PDE8A: variants seen among roughly 807,000 people sequenced by gnomAD.
PDE8A encodes the protein phosphodiesterase 8A.
Under a neutral mutation model 105.0 loss-of-function variants are expected in PDE8A, and 59 were observed. The observed-to-expected ratio is 0.56, with a 90% CI of 0.46 to 0.70. The LOEUF (loss-of-function observed/expected upper bound fraction) is 0.70. Among genes scored for constraint, PDE8A ranks in the 30% least tolerant of loss-of-function variants. PDE8A has a pLI of 0.00. For missense variants in PDE8A, 1,014 were observed against 1,045.9 expected (o/e 0.97, Z 0.42); for synonymous variants, 355 against 371.9 (o/e 0.95, Z 0.52).
chr15:85,088,808 C>T lies in PDE8A; in HGVS notation c.636-530C>T, dbSNP rs143705332. Among the ~76,000 whole-genome samples, 452 of 152,060 alleles carry T rather than the reference C, an allele frequency of 3.0e-3. 4 individuals are homozygous for T. The highest frequency in any genetic ancestry group is 0.01 in the African/African-American group (426 of 41,464). ...ATAATTTTAAAAATGTTTTCAAACA[C>T]GAAGGATGTGAGAAAATGCTCACAG... On this transcript the variant is annotated intron_variant, in intron 6 of 21. Transcript: ENST00000394553.
In PDE8A at chr15:85,115,473, T is replaced by C. The variant is rs1486826932; in HGVS notation, c.1385T>C (p.Val462Ala). Residue 462 changes from valine (V) to alanine (A), a missense_variant, in exon 15 of 22, where the codon GTT (valine) becomes GCT (alanine). By Grantham distance (64) the Val-to-Ala change is moderately conservative. Coordinates refer to ENST00000394553, the MANE Select transcript of PDE8A (RefSeq NM_002605.3). Reference sequence around the variant, plus strand: ...CGAAGACTATCAGGGAATGAATATGTTCTTTCAACAAAAAGTAAGTTTTTC... The same window carrying C: ...CGAAGACTATCAGGGAATGAATATGCTCTTTCAACAAAAAGTAAGTTTTTC... The part of the protein sequence containing the change: ...GLRRLSGNEY[V>A]LSTKNTQMVS... 2 of 1,524,288 alleles carry C rather than the reference T, an allele frequency of 1.3e-6. No individual in the cohort carries two copies. Among genetic ancestry groups the C allele is most frequent in the Non-Finnish European group, 8.8e-7 (1 of 1,131,718 alleles). The allele number at this position is 1,524,288 out of a possible 1,614,324, so 94.4% of individuals were successfully genotyped here.
intron 1 of PDE8A, among the ~76,000 whole-genome samples, chr15:85,039,600 C>G (rs553148673): frequency 6.6e-6 from 1 of 152,066 alleles, no homozygotes; most frequent in African/African-American, 2.4e-5. Context: ...AATCCCACTT[C>G]TGAGTGTATA....
chr15:85,092,048 T>C (rs890679537), intron 8 of PDE8A, among the ~76,000 whole-genome samples: 1 of 152,138 alleles, frequency 6.6e-6, no homozygotes, highest in Non-Finnish European at 1.5e-5. Flanking sequence ...GGCATTTGGC[T>C]AGTTCCTATC....
intron 1 of PDE8A, among the ~76,000 whole-genome samples, chr15:85,059,585 C>G (rs1328257865): frequency 1.3e-5 from 2 of 152,162 alleles, no homozygotes; most frequent in Non-Finnish European, 2.9e-5. Context: ...CCTCCTTTGT[C>G]TCTTATAGCC....
At chr15:85,031,326 A>G (rs1468808804) in intron 1 of PDE8A, among the ~76,000 whole-genome samples, 2 of 152,166 alleles carry the variant, frequency 1.3e-5, no homozygotes, top group Admixed American at 6.6e-5. Flanking sequence ...TGTAGTTTCT[A>G]TAACACCATC....
At chr15:85,095,876 T>TATATA (rs1435160480) in intron 8 of PDE8A, among the ~76,000 whole-genome samples, 1 of 64,198 alleles carries the variant, frequency 1.6e-5, no homozygotes, top group African/African-American at 1.4e-4. Flanking sequence ...ATATATATAT[T>TATATA]TTTTTTATAT....
At chr15:85,112,127 C>CT (rs150694128) in intron 12 of PDE8A, among the ~76,000 whole-genome samples, 1 of 152,114 alleles carries the variant, frequency 6.6e-6, no homozygotes, top group East Asian at 1.9e-4. Context: ...AATCTTTATA[C>CT]TTTTTTTCTT....
intron 12 of PDE8A, among the ~76,000 whole-genome samples, chr15:85,110,674 T>C (rs1697201152): frequency 6.6e-6 from 1 of 152,240 alleles, no homozygotes; most frequent in South Asian, 2.1e-4. Context: ...TACCACAATT[T>C]GTGTGCACAT....
intron 1 of PDE8A, among the ~76,000 whole-genome samples, chr15:84,997,093 C>A (rs536179537): frequency 6.6e-6 from 1 of 152,240 alleles, no homozygotes; most frequent in Non-Finnish European, 1.5e-5. Flanking sequence ...AACTTTCTGA[C>A]ACATTTGAAG....
intron 9 of PDE8A, chr15:85,099,776 T>A: frequency 1.9e-6 from 1 of 514,190 alleles, no homozygotes; most frequent in Non-Finnish European, 3.4e-6. Flanking sequence ...TTTGATTGTC[T>A]CATGATTAAT....
At chr15:85,113,769 C>A in intron 13 of PDE8A, 104 bp from the exon 14 acceptor site, 1 of 865,416 alleles carries the variant, frequency 1.2e-6, no homozygotes, top group Non-Finnish European at 1.8e-6. Flanking sequence ...ATTCTCCCAC[C>A]TCAGCCTCCT....
Position 84,982,298 on chromosome 15 carries a change from C to T in PDE8A, c.136C>T (p.Arg46Cys), listed in dbSNP as rs1364741454. 7.3e-7 allele frequency: 1 copy of T among 1,376,708 alleles called. No homozygotes were observed. Among genetic ancestry groups the T allele is most frequent in the Non-Finnish European group, 9.3e-7 (1 of 1,075,518 alleles). 85.3% of individuals were successfully genotyped at this position (1,376,708 alleles called of 1,614,324 possible). A position where few individuals can be genotyped will look rare whatever the true frequency, so the allele number is the denominator to read the frequency against. ...GAAGACGGCCGCCTTGCCCCGGACC[C>T]GCGGCGCCGGCCTCTTGGAGTCGGA... ...GQKTAALPRT[R>C]GAGLLESELR... The change falls in exon 1 of 22, where the codon CGC becomes TGC. Residue 46 changes from arginine (R) to cysteine (C), a missense_variant. Transcript: ENST00000394553.
chr15:85,064,018 A>G (rs933161602), intron 1 of PDE8A: 30 of 184,970 alleles, frequency 1.6e-4, no homozygotes, highest in African/African-American at 6.3e-4. Context: ...TTTAGTATCT[A>G]TTATTGGGGG....
Position 85,043,296 on chromosome 15 carries a change from G to C in PDE8A, c.187-21074G>C, listed in dbSNP as rs574229099. Among the ~76,000 whole-genome samples, 317 of 152,266 alleles carry C rather than the reference G, an allele frequency of 2.1e-3. 2 individuals are homozygous for C. The highest frequency in any genetic ancestry group is 2.1e-3 in the Non-Finnish European group (140 of 68,016). ...CTGAGTTCTCAACCTTTGGCTCCCT[G>C]CTCCCTGGGGCAGCCTGTAGACCCC... On this transcript the variant is annotated intron_variant, in intron 1 of 21. Coordinates refer to ENST00000394553, the MANE Select transcript of PDE8A (RefSeq NM_002605.3).
At chr15:85,116,470 T>A (rs1004012677) in intron 16 of PDE8A, among the ~76,000 whole-genome samples, 1 of 152,194 alleles carries the variant, frequency 6.6e-6, no homozygotes, top group Non-Finnish European at 1.5e-5. Flanking sequence ...TAGAAACACA[T>A]ACACATGTGA....
At chr15:85,029,414 G>C (rs1339955434) in intron 1 of PDE8A, among the ~76,000 whole-genome samples, 1 of 58,170 alleles carries the variant, frequency 1.7e-5, no homozygotes, top group Non-Finnish European at 3.5e-5. Context: ...GTCCTCACGG[G>C]TCTTTTTTTT....
chr15:85,107,181 A>C (rs2081959242), intron 11 of PDE8A, among the ~76,000 whole-genome samples: 2 of 152,232 alleles, frequency 1.3e-5, no homozygotes, highest in African/African-American at 4.8e-5. Flanking sequence ...CAGGCGAAGA[A>C]GGTGGCAGGG....
chr15:85,059,378 T>G (rs1017362125), intron 1 of PDE8A, among the ~76,000 whole-genome samples: 1 of 152,214 alleles, frequency 6.6e-6, no homozygotes, highest in Admixed American at 6.5e-5. Flanking sequence ...TATTAGATCT[T>G]GTTGGTTTAT....
chr15:85,107,344 T>C (rs569310748), intron 11 of PDE8A, among the ~76,000 whole-genome samples: 1 of 152,348 alleles, frequency 6.6e-6, no homozygotes, highest in African/African-American at 2.4e-5. Flanking sequence ...AATCTTATCC[T>C]AAAGACAAGG....
Sources: gnomAD v4.1 joint callset for allele counts (sites outside exome capture counted in the v4.1 genomes callset) on GRCh38, gnomAD v4.1.1 for gene constraint, MANE v1.5 for transcripts, NCBI Gene and HGNC (gene_info 2026-07-23, HGNC 2026-07-21) for gene names.